The following PCDH15 variants were observed in gnomAD, a reference collection of about 807,000 sequenced individuals.
PCDH15 encodes the protein protocadherin related 15.
In PCDH15, 129 loss-of-function variants were observed where a neutral mutation model predicts 178.5. The observed-to-expected ratio is 0.72, with a 90% CI of 0.63 to 0.84. PCDH15 has a LOEUF of 0.84. Ranked by LOEUF, PCDH15 falls within the 40% of genes least tolerant of loss-of-function variation. PCDH15 has a pLI of 0.00. For missense variants in PCDH15, 2,230 were observed against 2,099.9 expected (o/e 1.06, Z -1.21); for synonymous variants, 800 against 732.0 (o/e 1.09, Z -1.50).
intron 2 of PCDH15, among the ~76,000 whole-genome samples, chr10:55,159,371 A>ATCTATCTATATC (rs61145272): frequency 5.1e-4 from 3 of 5,940 alleles, no homozygotes; most frequent in African/African-American, 5.7e-4. Context: ...CTATCTATCT[A>ATCTATCTATATC]TATATATATA....
At position 53,959,205 on chromosome 10, in the gene PCDH15, T is replaced by C. The variant is rs182080594; in HGVS notation, c.3122+527A>G. On this transcript the variant is annotated intron_variant, in intron 23 of 37. Coordinates refer to ENST00000644397, the MANE Select transcript of PCDH15 (RefSeq NM_001384140.1). ...TATATATATATACACACAGTATATA[T>C]ATAAATTTATGTATACACACAGTAT... 9.8e-3 allele frequency among the ~76,000 whole-genome samples: 1,454 copies of C among 149,114 alleles called. 25 individuals are homozygous for C. The highest frequency in any genetic ancestry group is 0.031 in the African/African-American group (1,258 of 40,892).
chr10:53,862,051 CT>C (rs1159252952), intron 27 of PCDH15, among the ~76,000 whole-genome samples: 5 of 151,388 alleles, frequency 3.3e-5, no homozygotes, highest in East Asian at 3.9e-4. Context: ...CTGTCTTGTA[CT>C]TTTTTTTTCT....
At chr10:55,454,993 C>A (rs1467393743) in intron 2 of PCDH15, among the ~76,000 whole-genome samples, 3 of 151,904 alleles carry the variant, frequency 2.0e-5, no homozygotes, top group Non-Finnish European at 4.4e-5. Flanking sequence ...TATATGCATA[C>A]ATATCTTCAT....
chr10:55,097,221 T>C (rs1238375387), intron 2 of PCDH15, among the ~76,000 whole-genome samples: 1 of 152,178 alleles, frequency 6.6e-6, no homozygotes, highest in Non-Finnish European at 1.5e-5. Context: ...ATTCTTGTTT[T>C]GTTTTTGCTA....
At chr10:54,654,912 G>A (rs1261980953) in intron 2 of PCDH15, 1 of 152,058 alleles carries the variant, frequency 6.6e-6, no homozygotes, top group Non-Finnish European at 1.5e-5. Flanking sequence ...GTCTCAGCAG[G>A]ACAAATAAGA....
intron 1 of PCDH15, among the ~76,000 whole-genome samples, chr10:54,757,952 G>GT (rs1293521694): frequency 2.0e-5 from 3 of 152,140 alleles, no homozygotes; most frequent in Admixed American, 2.0e-4. Flanking sequence ...AAAACTCACT[G>GT]TAAGACCCTT....
At chr10:55,307,723 C>A (rs977343019) in intron 1 of PCDH15, among the ~76,000 whole-genome samples, 1 of 151,664 alleles carries the variant, frequency 6.6e-6, no homozygotes, top group East Asian at 1.9e-4. Context: ...ATCCAACTTG[C>A]CCCCCAAACA....
At chr10:54,173,775 TTAAG>T (rs757994450) in intron 13 of PCDH15, among the ~76,000 whole-genome samples, 59 of 152,268 alleles carry the variant, frequency 3.9e-4, no homozygotes, top group Admixed American at 6.5e-4. Flanking sequence ...GAGCCTATAA[TTAAG>T]TGAGAGAAAC....
At chr10:54,634,726 A>AC (rs1349232531) in intron 2 of PCDH15, among the ~76,000 whole-genome samples, 7 of 152,018 alleles carry the variant, frequency 4.6e-5, no homozygotes, top group African/African-American at 1.4e-4. Context: ...ACTATCTTCC[A>AC]ACTGTTTCAG....
intron 10 of PCDH15, among the ~76,000 whole-genome samples, chr10:54,198,910 G>A (rs1305283909): frequency 6.6e-6 from 1 of 151,984 alleles, no homozygotes; most frequent in Non-Finnish European, 1.5e-5. Context: ...TGAGGAGGAT[G>A]AAAAAAGCAA....
rs145281788 is a variant in PCDH15, at chr10:54,101,602, T to C, written c.1918-11539A>G. Among the ~76,000 whole-genome samples the C allele has an allele frequency of 6.5e-4, 99 of 152,228 alleles. 1 individual carries two copies. The highest frequency in any genetic ancestry group is 2.1e-3 in the African/African-American group (89 of 41,554). On this transcript the variant is annotated intron_variant, in intron 15 of 37. Transcript: ENST00000644397. ...GCATACAGCAGAGACACTTCTCCAA[T>C]GACAAAGTGAGGAGCTACACTGACC...
intron 2 of PCDH15, among the ~76,000 whole-genome samples, chr10:55,117,008 C>T (rs572316777): frequency 1.1e-4 from 16 of 152,298 alleles, no homozygotes; most frequent in African/African-American, 3.6e-4. Flanking sequence ...TTCTAATAAT[C>T]CTTCTTCACA....
intron 1 of PCDH15, among the ~76,000 whole-genome samples, chr10:54,695,805 T>G (rs77530396): frequency 0.079 from 12,049 of 151,892 alleles, 534 homozygotes; most frequent in South Asian, 0.15. Flanking sequence ...GCCCATATAT[T>G]TACAAGATAG....
chr10:54,096,404 G>A (rs1268503560), intron 15 of PCDH15, among the ~76,000 whole-genome samples: 2 of 152,108 alleles, frequency 1.3e-5, no homozygotes, highest in South Asian at 2.1e-4. Flanking sequence ...CATTGTTAAA[G>A]TCATACTCTA....
At chr10:54,409,961 TA>T (rs1953247704) in intron 3 of PCDH15, among the ~76,000 whole-genome samples, 1 of 152,030 alleles carries the variant, frequency 6.6e-6, no homozygotes, top group African/African-American at 2.4e-5. Context: ...CCATAAGAAA[TA>T]TTTTTTTTCT....
chr10:55,373,352 G>A (rs183122569), intron 2 of PCDH15, among the ~76,000 whole-genome samples: 4 of 152,082 alleles, frequency 2.6e-5, no homozygotes, highest in Admixed American at 6.6e-5. Context: ...GTCTTTCCAT[G>A]GGGGAAAGTA....
intron 13 of PCDH15, 86 bp downstream of exon 13, chr10:54,183,355 TTTC>T: frequency 6.3e-6 from 8 of 1,264,482 alleles, no homozygotes; most frequent in Non-Finnish European, 9.2e-6. Flanking sequence ...TCAATTTCTG[TTTC>T]TTAAGTAATT....
chr10:54,216,209 A>G (rs922580492), intron 9 of PCDH15, among the ~76,000 whole-genome samples: 6 of 152,028 alleles, frequency 3.9e-5, no homozygotes, highest in African/African-American at 9.7e-5. Context: ...TAATCCTAGC[A>G]CTTTGGGAGG....
At chr10:54,779,514 G>A (rs958455112) in intron 1 of PCDH15, among the ~76,000 whole-genome samples, 2 of 136,600 alleles carry the variant, frequency 1.5e-5, no homozygotes, top group East Asian at 2.3e-4. Flanking sequence ...ATATATGTGT[G>A]TATATATATA....
Sources: allele counts gnomAD v4.1 joint callset (sites outside exome capture counted in the v4.1 genomes callset), GRCh38; gene constraint gnomAD v4.1.1; transcripts MANE v1.5; gene names NCBI Gene and HGNC (gene_info 2026-07-23, HGNC 2026-07-21).